Variants in CASD1 observed in about 807,000 individuals in gnomAD.
CASD1 encodes the protein CAS1 domain sialic acid O acetyltransferase 1.
In CASD1, 41 loss-of-function variants were observed where a neutral mutation model predicts 100.0. That is an observed-to-expected ratio of 0.41 (90% confidence interval 0.32 to 0.53). The LOEUF (loss-of-function observed/expected upper bound fraction) is 0.53. CASD1 is among the 20% of genes least tolerant of loss of function. The pLI, the probability that CASD1 is intolerant of heterozygous loss-of-function variation, is 0.25. For missense variants in CASD1, 774 were observed against 948.7 expected (o/e 0.82, Z 2.42); for synonymous variants, 321 against 315.6 (o/e 1.02, Z -0.18).
chr7:94,523,771 G>A (rs1028003843), intron 3 of CASD1, among the ~76,000 whole-genome samples: 8 of 152,082 alleles, frequency 5.3e-5, no homozygotes, highest in Non-Finnish European at 1.0e-4. Context: ...AGAACAAGGT[G>A]GAAAGGATTT....
the CASD1 span, chr7:94,623,823 GT>G: frequency 5.5e-6 from 2 of 364,434 alleles, no homozygotes; most frequent in Non-Finnish European, 9.7e-6. Flanking sequence ...ATATCTTTGT[GT>G]TTTTTTGCAT....
At chr7:94,522,226 G>A (rs1217326774) in intron 3 of CASD1, among the ~76,000 whole-genome samples, 1 of 152,024 alleles carries the variant, frequency 6.6e-6, no homozygotes, top group Non-Finnish European at 1.5e-5. Flanking sequence ...AAAATAAGAA[G>A]GACATGGAAA....
chr7:94,540,630 T>C (rs1440432100), intron 10 of CASD1, among the ~76,000 whole-genome samples: 2 of 152,152 alleles, frequency 1.3e-5, no homozygotes, highest in East Asian at 3.9e-4. Context: ...TGAGTCATTA[T>C]GAAAGAGCCA....
At chr7:94,607,241 A>G in the CASD1 span, among the ~76,000 whole-genome samples, 1 of 152,034 alleles carries the variant, frequency 6.6e-6, no homozygotes, top group Non-Finnish European at 1.5e-5. Context: ...AATTATGCCA[A>G]CTCTCTACAA....
the CASD1 span, among the ~76,000 whole-genome samples, chr7:94,610,883 A>G: frequency 1.7e-4 from 26 of 152,354 alleles, no homozygotes; most frequent in African/African-American, 6.3e-4. Flanking sequence ...GATATCTAAT[A>G]TGCATATGAA....
At chr7:94,623,576 A>G in the CASD1 span, 2 of 592,782 alleles carry the variant, frequency 3.4e-6, no homozygotes. Flanking sequence ...TATTATGGGA[A>G]AATAAATAAT....
At chr7:94,512,228 ATAT>A (rs1369415342) in intron 1 of CASD1, among the ~76,000 whole-genome samples, 60 of 152,274 alleles carry the variant, frequency 3.9e-4, no homozygotes, top group African/African-American at 1.4e-3. Flanking sequence ...GCCACACATA[ATAT>A]TAACACTCAT....
chr7:94,624,256 CAA>C, the CASD1 span: 24 of 396,120 alleles, frequency 6.1e-5, no homozygotes, highest in Admixed American at 3.6e-4. Flanking sequence ...GACACTGAGA[CAA>C]AAGAGTAGGA....
At chr7:94,592,266 G>GA in the CASD1 span, among the ~76,000 whole-genome samples, 206 of 152,230 alleles carry the variant, frequency 1.4e-3, no homozygotes, top group African/African-American at 4.7e-3. Context: ...AGGCATACTG[G>GA]AAAAAATGCC....
At chr7:94,563,244 C>A in the CASD1 span, among the ~76,000 whole-genome samples, 1 of 152,128 alleles carries the variant, frequency 6.6e-6, no homozygotes, top group Non-Finnish European at 1.5e-5. Context: ...TCCCTCCTTA[C>A]CCCCTTTTCC....
Position 94,555,666 on chromosome 7 carries a change from A to T in CASD1, c.2302A>T (p.Asn768Tyr). The change falls in exon 18 of 18, where the codon AAC (asparagine) becomes TAC (tyrosine). Residue 768 changes from asparagine (N) to tyrosine (Y), a missense_variant. By Grantham distance (143) the Asn-to-Tyr change is moderately radical (BLOSUM62 -2). Transcript: ENST00000297273. ...TGCACAGATTATTATTCCTAAAGAT[A>T]ACTCATCTCTCTTGAAAAGGTTGGC... ...DLAQIIIPKD[N>Y]SSLLKRLACI... is the part of the protein sequence containing the mutation. 1 of 1,613,434 alleles carries T rather than the reference A, an allele frequency of 6.2e-7. No homozygotes were observed. Among genetic ancestry groups the T allele is most frequent in the Non-Finnish European group, 8.5e-7 (1 of 1,179,566 alleles).
intron 9 of CASD1, 69 bp from the exon 10 acceptor site, chr7:94,538,898 A>G (rs1795248468): frequency 1.3e-6 from 1 of 759,564 alleles, no homozygotes; most frequent in East Asian, 2.8e-5. Flanking sequence ...CTTTTAACAT[A>G]CTTATTATAT....
chr7:94,573,428 G>A, the CASD1 span, among the ~76,000 whole-genome samples: 1 of 152,100 alleles, frequency 6.6e-6, no homozygotes, highest in Non-Finnish European at 1.5e-5. Flanking sequence ...AATTCTCATT[G>A]TAGAGATCTT....
chr7:94,588,994 G>A, the CASD1 span: 1 of 474,352 alleles, frequency 2.1e-6, no homozygotes, highest in Non-Finnish European at 3.8e-6. Context: ...CTAAGAGGTA[G>A]GTGTTAATAT....
chr7:94,566,291 A>G, the CASD1 span, among the ~76,000 whole-genome samples: 4 of 152,216 alleles, frequency 2.6e-5, no homozygotes. Context: ...AGAATTTTAT[A>G]AGCAAGGAAA....
At chr7:94,627,407 A>G in the CASD1 span, 1 of 152,046 alleles carries the variant, frequency 6.6e-6, no homozygotes, top group Non-Finnish European at 1.5e-5. Flanking sequence ...GAATGGTAAC[A>G]TCACCATCAC....
At chr7:94,605,820 A>ATATTT in the CASD1 span, among the ~76,000 whole-genome samples, 6 of 152,168 alleles carry the variant, frequency 3.9e-5, no homozygotes, top group East Asian at 1.9e-4. Context: ...TAGTAGATTT[A>ATATTT]TATTTTATTT....
chr7:94,554,859 G>A (rs951345270), intron 17 of CASD1, among the ~76,000 whole-genome samples: 4 of 152,038 alleles, frequency 2.6e-5, no homozygotes, highest in African/African-American at 9.7e-5. Flanking sequence ...CCAAGATGCT[G>A]AGACCAAGAG....
At chr7:94,580,343 C>T in the CASD1 span, among the ~76,000 whole-genome samples, 50,674 of 151,962 alleles carry the variant, frequency 0.33, 9,419 homozygotes, top group Non-Finnish European at 0.41. Context: ...TTCGTTACTG[C>T]GGCTACACTG....
Sources: gnomAD v4.1 joint callset for allele counts (sites outside exome capture counted in the v4.1 genomes callset) on GRCh38, gnomAD v4.1.1 for gene constraint, MANE v1.5 for transcripts, NCBI Gene and HGNC (gene_info 2026-07-23, HGNC 2026-07-21) for gene names.